The following IFT74 variants were observed in gnomAD, a reference collection of about 807,000 sequenced individuals.
IFT74 encodes intraflagellar transport protein 74 homolog.
A neutral mutation model predicts 96.7 loss-of-function variants in IFT74; 92 were observed. That is an observed-to-expected ratio of 0.95 (90% CI 0.80 to 1.13). The LOEUF (loss-of-function observed/expected upper bound fraction) is 1.13. IFT74 is among the 50% of genes most tolerant of loss of function. The pLI, the probability that IFT74 is intolerant of heterozygous loss-of-function variation, is 0.00. For synonymous variants in IFT74, 223 were observed against 213.2 expected (o/e 1.05, Z -0.40); for missense variants, 811 against 698.2 (o/e 1.16, Z -1.82).
At chr9:27,020,035 G>A (rs1009244824) in intron 12 of IFT74, among the ~76,000 whole-genome samples, 1 of 151,266 alleles carries the variant, frequency 6.6e-6, no homozygotes, top group Non-Finnish European at 1.5e-5. Flanking sequence ...GAATGCAGTG[G>A]TGCAATCTTG....
intron 8 of IFT74, chr9:26,993,614 G>T: frequency 6.6e-6 from 1 of 151,980 alleles, no homozygotes. Context: ...TTTTATTTTA[G>T]CCTCTTTTTT....
intron 8 of IFT74, among the ~76,000 whole-genome samples, chr9:27,004,963 T>A (rs1828694514): frequency 6.6e-6 from 1 of 152,200 alleles, no homozygotes; most frequent in Non-Finnish European, 1.5e-5. Flanking sequence ...ATATGATTAT[T>A]ATATGCTATG....
intron 8 of IFT74, among the ~76,000 whole-genome samples, chr9:27,006,939 C>G (rs1310449759): frequency 1.3e-5 from 2 of 150,564 alleles, no homozygotes; most frequent in African/African-American, 4.9e-5. Flanking sequence ...CGGGTTGACG[C>G]CATTCTCCTG....
At chr9:27,056,582 C>T in intron 18 of IFT74, 123 bp downstream of exon 18, 1 of 754,278 alleles carries the variant, frequency 1.3e-6, no homozygotes, top group Admixed American at 2.9e-5. Flanking sequence ...TTAAGACAGC[C>T]AGATTCTGTA....
chr9:26,978,725 G>C (rs935645493), intron 3 of IFT74, among the ~76,000 whole-genome samples: 6 of 152,058 alleles, frequency 3.9e-5, no homozygotes, highest in Admixed American at 3.9e-4. Flanking sequence ...AAATACTTGT[G>C]TATTTATGAG....
chr9:27,012,939 G>T (rs922461603), intron 10 of IFT74, among the ~76,000 whole-genome samples: 1 of 151,854 alleles, frequency 6.6e-6, no homozygotes, highest in South Asian at 2.1e-4. Context: ...GGATGGTCTC[G>T]ATCTCCTGAC....
At chr9:26,982,589 G>A (rs1481046394) in intron 4 of IFT74, among the ~76,000 whole-genome samples, 1 of 151,626 alleles carries the variant, frequency 6.6e-6, no homozygotes, top group Non-Finnish European at 1.5e-5. Context: ...CCGAGTAGCT[G>A]GGATTACAGG....
intron 8 of IFT74, chr9:26,995,963 T>C: frequency 1.3e-6 from 1 of 780,236 alleles, no homozygotes; most frequent in Non-Finnish European, 1.9e-6. Flanking sequence ...AAACATACAT[T>C]GTAGTTTTCT....
chr9:26,984,810 A>C (rs1353043515), intron 6 of IFT74, among the ~76,000 whole-genome samples: 4 of 152,200 alleles, frequency 2.6e-5, no homozygotes, highest in South Asian at 2.1e-4. Context: ...AAAATAACAG[A>C]TGCTGGTGAA....
chr9:26,981,998 A>T (rs1827397627), intron 4 of IFT74, among the ~76,000 whole-genome samples: 1 of 151,332 alleles, frequency 6.6e-6, no homozygotes, highest in Non-Finnish European at 1.5e-5. Flanking sequence ...TAAACTCCTG[A>T]CCTCAGGTGA....
intron 8 of IFT74, among the ~76,000 whole-genome samples, chr9:27,002,819 C>T (rs1828571905): frequency 6.6e-6 from 1 of 151,926 alleles, no homozygotes; most frequent in South Asian, 2.1e-4. Context: ...TTTTCTACTT[C>T]TATGAAGAGC....
At chr9:27,008,421 G>T (rs939162229) in intron 8 of IFT74, among the ~76,000 whole-genome samples, 2 of 151,468 alleles carry the variant, frequency 1.3e-5, no homozygotes, top group Non-Finnish European at 2.9e-5. Context: ...GAAGTGGCGC[G>T]ATCTCAGCCC....
intron 13 of IFT74, among the ~76,000 whole-genome samples, chr9:27,042,359 T>A (rs114565288): frequency 1.3e-5 from 2 of 151,820 alleles, no homozygotes; most frequent in African/African-American, 4.8e-5. Context: ...AAAATAATGA[T>A]CTGAGAGTAA....
chr9:27,045,909 G>T (rs898399699), intron 14 of IFT74, among the ~76,000 whole-genome samples: 1 of 152,084 alleles, frequency 6.6e-6, no homozygotes, highest in Non-Finnish European at 1.5e-5. Flanking sequence ...GGAACAATGT[G>T]TCATGACACC....
At chr9:27,052,919 G>C (rs532685415) in intron 16 of IFT74, among the ~76,000 whole-genome samples, 1 of 152,174 alleles carries the variant, frequency 6.6e-6, no homozygotes, top group East Asian at 1.9e-4. Flanking sequence ...CTGGAGTGCA[G>C]TGGCGCGATT....
chr9:27,035,250 G>T (rs1293512266), intron 13 of IFT74, among the ~76,000 whole-genome samples: 1 of 152,182 alleles, frequency 6.6e-6, no homozygotes, highest in Non-Finnish European at 1.5e-5. Context: ...TTTCCCGTCA[G>T]TATTTCCTTC....
chr9:26,955,582 T>A (rs1254245501), upstream of IFT74, among the ~76,000 whole-genome samples: 4 of 152,004 alleles, frequency 2.6e-5, no homozygotes, highest in Non-Finnish European at 5.9e-5. Flanking sequence ...TAGGGTGAGC[T>A]CAAATGAGAT....
chr9:27,030,883 C>T (rs1186365852), intron 13 of IFT74, among the ~76,000 whole-genome samples: 1 of 152,156 alleles, frequency 6.6e-6, no homozygotes, highest in Non-Finnish European at 1.5e-5. Context: ...GCAGAACACA[C>T]CAAGTGGACA....
intron 8 of IFT74, among the ~76,000 whole-genome samples, chr9:27,003,061 C>T (rs572331360): frequency 1.3e-5 from 2 of 152,132 alleles, no homozygotes; most frequent in African/African-American, 4.8e-5. Context: ...CGTAAACAGG[C>T]TTGCTTTCTT....
Sources: allele counts gnomAD v4.1 joint callset (sites outside exome capture counted in the v4.1 genomes callset), GRCh38; gene constraint gnomAD v4.1.1; transcripts MANE v1.5; gene names NCBI Gene and HGNC (gene_info 2026-07-23, HGNC 2026-07-21).